The following RPS6KC1 variants were observed in gnomAD, a reference collection of about 807,000 sequenced individuals.
RPS6KC1 encodes the protein inactive ribosomal protein S6 kinase delta-1.
Under a neutral mutation model 103.8 loss-of-function variants are expected in RPS6KC1, and 54 were observed. The observed-to-expected ratio is 0.52, with a 90% confidence interval of 0.42 to 0.65. The LOEUF (loss-of-function observed/expected upper bound fraction) is 0.65. Ranked by LOEUF, RPS6KC1 falls within the 30% of genes least tolerant of loss-of-function variation. RPS6KC1 has a pLI of 0.00. For missense variants in RPS6KC1, 1,151 were observed against 1,253.8 expected (o/e 0.92, Z 1.24); for synonymous variants, 439 against 438.7 (o/e 1.00, Z -0.01).
chr1:213,842,706 A>C, the RPS6KC1 span, among the ~76,000 whole-genome samples: 1 of 152,180 alleles, frequency 6.6e-6, no homozygotes, highest in Non-Finnish European at 1.5e-5. Context: ...GAGCAATAAA[A>C]ATAATGTATG....
At chr1:213,334,144 T>C in the RPS6KC1 span, among the ~76,000 whole-genome samples, 1 of 152,200 alleles carries the variant, frequency 6.6e-6, no homozygotes, top group Non-Finnish European at 1.5e-5. Flanking sequence ...GTCAGGCCCA[T>C]GTTAATAATG....
intron 6 of RPS6KC1, among the ~76,000 whole-genome samples, chr1:213,136,480 T>C (rs1435746357): frequency 6.6e-6 from 1 of 152,076 alleles, no homozygotes; most frequent in Admixed American, 6.5e-5. Context: ...AAAAACACAT[T>C]GAAATGTTAT....
At chr1:213,574,227 T>G in the RPS6KC1 span, among the ~76,000 whole-genome samples, 1 of 152,210 alleles carries the variant, frequency 6.6e-6, no homozygotes, top group East Asian at 1.9e-4. Flanking sequence ...TTTCATCTTC[T>G]CCAATTCCTA....
chr1:213,246,624 A>C (rs1302923126), intron 12 of RPS6KC1, among the ~76,000 whole-genome samples: 1 of 152,230 alleles, frequency 6.6e-6, no homozygotes, highest in East Asian at 1.9e-4. Context: ...AATAAAGAAT[A>C]AACCTTTGTT....
the RPS6KC1 span, among the ~76,000 whole-genome samples, chr1:213,300,976 A>T: frequency 6.6e-6 from 1 of 151,800 alleles, no homozygotes; most frequent in Non-Finnish European, 1.5e-5. Flanking sequence ...TTCACACTCC[A>T]CCCTCACCCT....
chr1:213,382,655 G>A, the RPS6KC1 span, among the ~76,000 whole-genome samples: 1 of 152,016 alleles, frequency 6.6e-6, no homozygotes, highest in South Asian at 2.1e-4. Context: ...GGGCAGGAGG[G>A]GTTCCTGACC....
the RPS6KC1 span, among the ~76,000 whole-genome samples, chr1:213,560,117 A>G: frequency 6.6e-6 from 1 of 152,200 alleles, no homozygotes; most frequent in South Asian, 2.1e-4. Context: ...TGTAATAGGC[A>G]AAATTCTAAA....
the RPS6KC1 span, among the ~76,000 whole-genome samples, chr1:213,452,743 C>T: frequency 6.6e-6 from 1 of 152,196 alleles, no homozygotes; most frequent in Non-Finnish European, 1.5e-5. Flanking sequence ...GCTCCACCCT[C>T]CTCCCAGGCT....
At chr1:213,614,259 C>T in the RPS6KC1 span, among the ~76,000 whole-genome samples, 4 of 152,198 alleles carry the variant, frequency 2.6e-5, no homozygotes, top group East Asian at 7.7e-4. Flanking sequence ...TTAGGAATTA[C>T]ATGGATGTGA....
At chr1:213,566,437 G>GTTTTTTTTTT in the RPS6KC1 span, among the ~76,000 whole-genome samples, 6 of 48,522 alleles carry the variant, frequency 1.2e-4, no homozygotes, top group East Asian at 9.2e-4. Context: ...TCAGCCTTTA[G>GTTTTTTTTTT]TTTTTTTTTT....
the RPS6KC1 span, among the ~76,000 whole-genome samples, chr1:213,534,074 T>C: frequency 5.9e-5 from 9 of 152,228 alleles, no homozygotes; most frequent in East Asian, 1.7e-3. Flanking sequence ...ATAGGTTTCA[T>C]TTCTTGCATA....
chr1:213,747,411 G>A, the RPS6KC1 span, among the ~76,000 whole-genome samples: 1 of 152,034 alleles, frequency 6.6e-6, no homozygotes, highest in South Asian at 2.1e-4. Context: ...TGAGAAGAGA[G>A]GAATTGCTAA....
At chr1:213,109,180 A>G (rs1422827032) in intron 4 of RPS6KC1, among the ~76,000 whole-genome samples, 1 of 152,252 alleles carries the variant, frequency 6.6e-6, no homozygotes, top group Non-Finnish European at 1.5e-5. Flanking sequence ...TCTGTTGCCC[A>G]GGCTGGAGTG....
chr1:213,122,757 A>T (rs2084539778), intron 5 of RPS6KC1, among the ~76,000 whole-genome samples: 1 of 152,032 alleles, frequency 6.6e-6, no homozygotes, highest in Admixed American at 6.6e-5. Context: ...GCTTGAAGAG[A>T]TTCTTTTTTC....
At chr1:213,136,888 G>T (rs2086330200) in intron 6 of RPS6KC1, among the ~76,000 whole-genome samples, 1 of 152,166 alleles carries the variant, frequency 6.6e-6, no homozygotes, top group Non-Finnish European at 1.5e-5. Context: ...TTTGGAGAAG[G>T]AGTCTTGCTA....
the RPS6KC1 span, among the ~76,000 whole-genome samples, chr1:213,808,603 C>G: frequency 1.7e-4 from 26 of 152,364 alleles, no homozygotes; most frequent in East Asian, 4.1e-3. Flanking sequence ...GATATAATCT[C>G]CTGGTGTCCG....
the RPS6KC1 span, among the ~76,000 whole-genome samples, chr1:213,403,702 C>A: frequency 6.6e-6 from 1 of 152,100 alleles, no homozygotes; most frequent in Non-Finnish European, 1.5e-5. Context: ...GTTGGTTCCA[C>A]CAAATATGTC....
the RPS6KC1 span, among the ~76,000 whole-genome samples, chr1:213,448,157 C>T: frequency 1.4e-5 from 2 of 146,710 alleles, no homozygotes; most frequent in South Asian, 4.3e-4. Context: ...AGGATTGCTC[C>T]AGCCCAGAGG....
At chr1:213,499,640 G>A in the RPS6KC1 span, among the ~76,000 whole-genome samples, 129 of 152,008 alleles carry the variant, frequency 8.5e-4, 1 homozygote, top group African/African-American at 2.9e-3. Flanking sequence ...CCTGCTGTAC[G>A]GCCTGGTTCC....
Sources: allele counts gnomAD v4.1 joint callset (sites outside exome capture counted in the v4.1 genomes callset), GRCh38; gene constraint gnomAD v4.1.1; transcripts MANE v1.5; gene names NCBI Gene and HGNC (gene_info 2026-07-23, HGNC 2026-07-21).